The following SEMA5B variants were observed in gnomAD, a reference collection of about 807,000 sequenced individuals.
SEMA5B encodes the protein semaphorin-5B.
In SEMA5B, 66 loss-of-function variants were observed where a neutral mutation model predicts 135.0. The ratio of observed to expected loss-of-function variants is 0.49; its 90% CI spans 0.40 to 0.60. The LOEUF (loss-of-function observed/expected upper bound fraction) is 0.60, where lower values mean the gene tolerates loss of function less well. Among genes scored for constraint, SEMA5B ranks in the 20% least tolerant of loss-of-function variants. The pLI is 0.00. For synonymous variants in SEMA5B, 690 were observed against 639.5 expected, an observed-to-expected ratio of 1.08 and a Z score of -1.19; for missense variants, 1,501 against 1,566.3, an observed-to-expected ratio of 0.96 and a Z score of 0.70.
chr3:122,910,726 C>T (rs1455462621), intron 22 of SEMA5B, 114 bp downstream of exon 22: 15 of 807,872 alleles, frequency 1.9e-5, no homozygotes, highest in African/African-American at 7.0e-5. Flanking sequence ...AGGAGAATGG[C>T]GTGAACCCGG....
chr3:122,941,076 C>T (rs74411981), intron 4 of SEMA5B, among the ~76,000 whole-genome samples: 6,450 of 152,214 alleles, frequency 0.042, 177 homozygotes, highest in Middle Eastern at 0.099. Flanking sequence ...AAATCCCTTT[C>T]GGAACAAGGG....
intron 1 of SEMA5B, among the ~76,000 whole-genome samples, chr3:122,988,002 G>T (rs771008763): frequency 1.3e-5 from 2 of 152,048 alleles, no homozygotes; most frequent in Non-Finnish European, 1.5e-5. Flanking sequence ...TTGGAAGGGG[G>T]GCCTCAGAGA....
intron 10 of SEMA5B, among the ~76,000 whole-genome samples, chr3:122,922,754 G>T (rs1938428525): frequency 6.6e-6 from 1 of 152,188 alleles, no homozygotes; most frequent in Non-Finnish European, 1.5e-5. Flanking sequence ...GTGGACGAGT[G>T]TCCGGTGATT....
chr3:122,961,676 T>C (rs1940590892), intron 1 of SEMA5B, among the ~76,000 whole-genome samples: 1 of 152,216 alleles, frequency 6.6e-6, no homozygotes. Context: ...CAGGCTGGTC[T>C]TGAACTTCTG....
chr3:122,939,358 C>G, intron 5 of SEMA5B, 67 bp downstream of exon 5: 1 of 1,295,860 alleles, frequency 7.7e-7, no homozygotes, highest in Admixed American at 1.7e-5. Flanking sequence ...GCGCCACTTG[C>G]GTTGCCCTGC....
chr3:122,984,166 G>A (rs1281119320), intron 1 of SEMA5B, among the ~76,000 whole-genome samples: 1 of 152,034 alleles, frequency 6.6e-6, no homozygotes, highest in Non-Finnish European at 1.5e-5. Context: ...CCCGCCCCCC[G>A]CCGTGGCCCT....
chr3:122,914,573 T>C (rs533523823), intron 14 of SEMA5B, among the ~76,000 whole-genome samples: 4 of 152,338 alleles, frequency 2.6e-5, no homozygotes, highest in African/African-American at 9.6e-5. Context: ...GGACAATGAT[T>C]GTATTCCTAC....
At chr3:123,008,072 G>T (rs1013062098) in intron 1 of SEMA5B, among the ~76,000 whole-genome samples, 1 of 152,234 alleles carries the variant, frequency 6.6e-6, no homozygotes, top group Non-Finnish European at 1.5e-5. Context: ...GAAGAACGGG[G>T]TTTGCATGAT....
At chr3:122,998,573 A>G (rs1942085701) in intron 1 of SEMA5B, among the ~76,000 whole-genome samples, 1 of 152,212 alleles carries the variant, frequency 6.6e-6, no homozygotes, top group Non-Finnish European at 1.5e-5. Context: ...CAGAGCTGCC[A>G]GAATTCCACT....
At chr3:123,006,249 G>C (rs1409889556) in intron 1 of SEMA5B, among the ~76,000 whole-genome samples, 3 of 152,112 alleles carry the variant, frequency 2.0e-5, no homozygotes, top group Non-Finnish European at 2.9e-5. Context: ...CCAAATGAGG[G>C]GACGACAGAG....
chr3:122,925,665 G>A (rs943012151), intron 9 of SEMA5B, among the ~76,000 whole-genome samples: 16 of 151,562 alleles, frequency 1.1e-4, no homozygotes, highest in African/African-American at 2.9e-4. Flanking sequence ...GCAAGACTCC[G>A]TCTCAAACAA....
intron 1 of SEMA5B, among the ~76,000 whole-genome samples, chr3:122,964,913 C>G (rs1374956955): frequency 1.3e-5 from 2 of 152,176 alleles, no homozygotes; most frequent in Non-Finnish European, 2.9e-5. Flanking sequence ...CTCCCTTTAA[C>G]TTTCCCAGAG....
At chr3:122,930,581 G>T (rs932586892) in intron 5 of SEMA5B, among the ~76,000 whole-genome samples, 1 of 152,238 alleles carries the variant, frequency 6.6e-6, no homozygotes, top group Non-Finnish European at 1.5e-5. Flanking sequence ...GGGCGGCTCT[G>T]CGAGGACCGC....
intron 4 of SEMA5B, among the ~76,000 whole-genome samples, chr3:122,942,483 C>T (rs1276509451): frequency 6.6e-6 from 1 of 152,196 alleles, no homozygotes; most frequent in African/African-American, 2.4e-5. Context: ...AAAAGTAGTG[C>T]AGTCCCAGGC....
At chr3:122,987,470 G>C (rs1022478141) in intron 1 of SEMA5B, among the ~76,000 whole-genome samples, 2 of 152,216 alleles carry the variant, frequency 1.3e-5, no homozygotes, top group Admixed American at 6.5e-5. Flanking sequence ...CCCTCAAACT[G>C]GTTATTAGCA....
At chr3:122,967,076 G>A (rs1388608209) in intron 1 of SEMA5B, among the ~76,000 whole-genome samples, 1 of 151,118 alleles carries the variant, frequency 6.6e-6, no homozygotes, top group Non-Finnish European at 1.5e-5. Context: ...TAGAGACGGG[G>A]GTTTCTCCAT....
chr3:122,975,287 G>A (rs1328407605), intron 1 of SEMA5B: 1 of 152,446 alleles, frequency 6.6e-6, no homozygotes, highest in Admixed American at 6.5e-5. Flanking sequence ...GGAGTGTGAT[G>A]GATGCTCCCC....
chr3:123,016,580 T>C (rs1199786532), intron 1 of SEMA5B, among the ~76,000 whole-genome samples: 1 of 152,134 alleles, frequency 6.6e-6, no homozygotes, highest in Non-Finnish European at 1.5e-5. Context: ...TTAATTTAAT[T>C]TAATTTTTTT....
In SEMA5B at chr3:122,926,604, G is replaced by T. The variant is rs371727436; in HGVS notation, c.924C>A (p.His308Gln). 5.6e-6 allele frequency: 9 copies of T among 1,614,112 alleles called. No homozygotes were observed. Among genetic ancestry groups the T allele is most frequent in the Admixed American group, 1.7e-5 (1 of 60,008 alleles). The part of the protein sequence containing the change: ...YFFLRENAVE[H>Q]DCGRTVYSRV... Reference sequence around the variant, plus strand: ...GAGAGTACACGGTGCGTCCACAGTCGTGCTCCACTGCGTTCTCCCGCAGGA... The same window carrying T: ...GAGAGTACACGGTGCGTCCACAGTCTTGCTCCACTGCGTTCTCCCGCAGGA... The change falls in exon 9 of 23, where the codon CAC becomes CAA. Residue 308 changes from histidine to glutamine, a missense_variant. By Grantham distance (24) the His-to-Gln change is conservative. This residue lies in a region of SEMA5B where 574 missense variants were observed against 684.7 expected (regional missense o/e 0.84). Coordinates refer to ENST00000357599, the MANE Select transcript of SEMA5B (RefSeq NM_001031702.4).
Sources: allele counts gnomAD v4.1 joint callset (sites outside exome capture counted in the v4.1 genomes callset), GRCh38; gene constraint gnomAD v4.1.1; regional missense constraint gnomAD v4.1.1; transcripts MANE v1.5; gene names NCBI Gene and HGNC (gene_info 2026-07-23, HGNC 2026-07-21).